The following IDH3A variants were observed in gnomAD, a reference collection of about 807,000 sequenced individuals.
The protein encoded by IDH3A is isocitrate dehydrogenase [NAD] subunit alpha, mitochondrial.
Under a neutral mutation model 43.3 loss-of-function variants are expected in IDH3A, and 23 were observed. The ratio of observed to expected loss-of-function variants is 0.53; its 90% CI spans 0.38 to 0.75. IDH3A has a LOEUF of 0.75. Ranked by LOEUF, IDH3A falls within the 30% of genes least tolerant of loss-of-function variation. The pLI, the probability that IDH3A is intolerant of heterozygous loss-of-function variation, is 0.00. For synonymous variants in IDH3A, 154 were observed against 163.5 expected (o/e 0.94, Z 0.44); for missense variants, 329 against 474.4 (o/e 0.69, Z 2.85).
At chr15:78,158,400 G>A (rs2074644582) in intron 3 of IDH3A, among the ~76,000 whole-genome samples, 1 of 129,126 alleles carries the variant, frequency 7.7e-6, no homozygotes, top group Admixed American at 8.6e-5. Context: ...AGGGATGCTT[G>A]TTTATACCTC....
rs143362234 is a variant in IDH3A, at chr15:78,153,856, T to G, written c.28-1357T>G. On this transcript the variant is annotated intron_variant, in intron 1 of 10. Coordinates refer to ENST00000299518, the MANE Select transcript of IDH3A (RefSeq NM_005530.3). The stretch of plus-strand genomic sequence containing the variant: ...CAACATGGAGAAACCCTGTCTCTAC[T>G]AAAAATACAACAAGATTAGCCGGGC... 6.5e-3 allele frequency among the ~76,000 whole-genome samples: 984 copies of G among 152,254 alleles called. 15 individuals carry two copies. Among genetic ancestry groups the G allele is most frequent in the African/African-American group, 0.023 (951 of 41,540 alleles).
At chr15:78,157,184 TTTG>T (rs1336553526) in intron 2 of IDH3A, 5 of 1,113,280 alleles carry the variant, frequency 4.5e-6, no homozygotes, top group Non-Finnish European at 5.5e-6. Context: ...TTGTTAATTT[TTTG>T]TTGTTGTTGT....
Position 78,157,629 on chromosome 15 carries a change from AAAGT to A in IDH3A, c.174+3_174+6del. On this transcript the variant is annotated splice_donor_variant and coding_sequence_variant, in exon 3 of 11. Coordinates refer to ENST00000299518, the MANE Select transcript of IDH3A (RefSeq NM_005530.3). LOFTEE classifies it high-confidence loss of function. ...AGTTATGAAGATTTTTGATGCTGCCAAAGTAAGTGGGCTTAAAAAATACATTTAA... is the reference window on the plus strand; with the variant it reads ...AGTTATGAAGATTTTTGATGCTGCCAAAGTGGGCTTAAAAAATACATTTAA... The A allele has an allele frequency of 1.9e-6, 3 of 1,606,268 alleles. No individual in the cohort carries two copies. The highest frequency in any genetic ancestry group is 2.6e-6 in the Non-Finnish European group (3 of 1,173,990).
At chr15:78,164,651 T>C (rs1348972218) in intron 8 of IDH3A, among the ~76,000 whole-genome samples, 7 of 152,288 alleles carry the variant, frequency 4.6e-5, no homozygotes, top group Middle Eastern at 3.4e-3. Context: ...TGAGCCCAGC[T>C]GTGGACATGG....
chr15:78,158,464 T>TG (rs71145899), intron 3 of IDH3A, among the ~76,000 whole-genome samples: 1 of 50,050 alleles, frequency 2.0e-5, no homozygotes, highest in Non-Finnish European at 3.8e-5. Flanking sequence ...TATATATATA[T>TG]TTTTTTTTTT....
chr15:78,155,366 T>C (rs758863270), intron 2 of IDH3A, 91 bp downstream of exon 2: 1 of 867,184 alleles, frequency 1.2e-6, no homozygotes. Flanking sequence ...TTTATCTCCA[T>C]TCATTTAGAA....
chr15:78,165,048 G>A lies in IDH3A; in HGVS notation c.836G>A (p.Gly279Glu). ...GGTGTGACACCAAGTGGCAACATTG[G>A]AGCCAATGGGGTTGCAATTTTTGAG... is the stretch of plus-strand genomic sequence containing the variant. ...GLGVTPSGNI[G>E]ANGVAIFESV... The change falls in exon 9 of 11, where the codon GGA (glycine) becomes GAA (glutamate). Residue 279 changes from glycine (G) to glutamate (E), a missense_variant. Gly to Glu is a moderately conservative substitution (Grantham distance 98). Coordinates refer to ENST00000299518, the MANE Select transcript of IDH3A (RefSeq NM_005530.3). 4.3e-6 allele frequency: 7 copies of A among 1,613,846 alleles called. No homozygotes were observed. The highest frequency in any genetic ancestry group is 5.9e-6 in the Non-Finnish European group (7 of 1,179,782).
intron 6 of IDH3A, 108 bp downstream of exon 6, chr15:78,162,475 G>T: frequency 1.7e-6 from 2 of 1,195,516 alleles, no homozygotes; most frequent in Non-Finnish European, 2.3e-6. Context: ...TAATATCTTT[G>T]AAAAAGAACT....
Position 78,157,589 on chromosome 15 carries a change from A to T in IDH3A, c.132A>T (p.Pro44=), listed in dbSNP as rs2074635026. The T allele has an allele frequency of 6.2e-7, 1 of 1,613,198 alleles. No individual in the cohort carries two copies. Residue 44 remains proline (P), a synonymous_variant, in exon 3 of 11, where the codon CCA becomes CCT. Coordinates refer to ENST00000299518, the MANE Select transcript of IDH3A (RefSeq NM_005530.3). ...VTLIPGDGIG[P]EISAAVMKIF... ...TAATTCCAGGAGATGGTATTGGCCC[A>T]GAAATTTCAGCTGCAGTTATGAAGA...
chr15:78,159,043 G>A (rs182561309), intron 3 of IDH3A, among the ~76,000 whole-genome samples: 1 of 152,010 alleles, frequency 6.6e-6, no homozygotes, highest in Non-Finnish European at 1.5e-5. Flanking sequence ...ATGTTGGCTA[G>A]GCTGGGCTGG....
At chr15:78,163,429 C>T (rs775476408) in intron 6 of IDH3A, 78 bp from the exon 7 acceptor site, 27 of 1,010,020 alleles carry the variant, frequency 2.7e-5, no homozygotes, top group Non-Finnish European at 3.9e-5. Context: ...ATGTCTTGAA[C>T]TTACTTTACT....
intron 2 of IDH3A, chr15:78,157,329 A>C: frequency 1.5e-6 from 1 of 648,126 alleles, no homozygotes; most frequent in Non-Finnish European, 2.4e-6. Context: ...TTCTTTTTAA[A>C]ACCTCTGAAC....
At chr15:78,157,008 A>AT in intron 2 of IDH3A, 1 of 1,328,514 alleles carries the variant, frequency 7.5e-7, no homozygotes, top group Non-Finnish European at 9.9e-7. Context: ...AAAAAGTCTG[A>AT]TTTTCCCTGA....
chr15:78,155,073 A>G, intron 1 of IDH3A, 140 bp from the exon 2 acceptor site: 2 of 518,004 alleles, frequency 3.9e-6, no homozygotes, highest in South Asian at 3.6e-5. Context: ...GAGCTAATAC[A>G]TGAGATTTGT....
chr15:78,163,568 A>T lies in IDH3A; in HGVS notation c.673A>T (p.Ile225Phe). ...CREVAESCKD[I>F]KFNEMYLDTV... The stretch of plus-strand genomic sequence containing the variant: ...GGAAGTTGCAGAAAGCTGTAAAGAT[A>T]TTAAATTTAATGAGATGTACCTTGA... The change falls in exon 7 of 11, where the codon ATT becomes TTT. Residue 225 changes from isoleucine (I) to phenylalanine (F), a missense_variant. By Grantham distance (21) the Ile-to-Phe change is conservative (BLOSUM62 0). Around this residue, in one of 3 missense-constraint regions of IDH3A, gnomAD observed 212 missense variants for 345.5 expected, o/e 0.61. Coordinates refer to ENST00000299518, the MANE Select transcript of IDH3A (RefSeq NM_005530.3). The T allele has an allele frequency of 6.2e-7, 1 of 1,612,332 alleles. No homozygotes were observed. Among genetic ancestry groups the T allele is most frequent in the Non-Finnish European group, 8.5e-7 (1 of 1,178,504 alleles).
intron 8 of IDH3A, among the ~76,000 whole-genome samples, chr15:78,164,305 C>T (rs189217897): frequency 3.8e-5 from 5 of 130,674 alleles, no homozygotes; most frequent in African/African-American, 9.2e-5. Flanking sequence ...CTCTCTCTCT[C>T]CCCCCCCGAC....
chr15:78,158,352 G>C (rs1315829578), intron 3 of IDH3A, among the ~76,000 whole-genome samples: 3 of 149,282 alleles, frequency 2.0e-5, no homozygotes, highest in African/African-American at 7.4e-5. Context: ...TGTTCAGTGT[G>C]CTAGCTGTAT....
In IDH3A at chr15:78,171,856, T is replaced by C. The variant is rs1380208565; in HGVS notation, c.*2851T>C. ...CTACATCTGCCTTTTCCTTGACCTG[T>C]ACCCAGTTTTGACCCTCAGTCCATT... On this transcript the variant is annotated 3_prime_UTR_variant, in exon 11 of 11. Coordinates refer to ENST00000299518, the MANE Select transcript of IDH3A (RefSeq NM_005530.3). 1 of 174,706 alleles carries C rather than the reference T, an allele frequency of 5.7e-6. No individual in the cohort carries two copies. Among genetic ancestry groups the C allele is most frequent in the African/African-American group, 2.4e-5 (1 of 42,276 alleles). 10.8% of individuals were successfully genotyped at this position (174,706 alleles called of 1,614,324 possible).
intron 9 of IDH3A, among the ~76,000 whole-genome samples, chr15:78,165,815 A>C (rs2074734553): frequency 6.6e-6 from 1 of 152,016 alleles, no homozygotes; most frequent in African/African-American, 2.4e-5. Flanking sequence ...CAGCCTCCCA[A>C]GTAGCTGGCA....
Sources: gnomAD v4.1 joint callset for allele counts (sites outside exome capture counted in the v4.1 genomes callset) on GRCh38, gnomAD v4.1.1 for gene constraint, gnomAD v4.1.1 regional missense constraint, MANE v1.5 for transcripts, NCBI Gene and HGNC (gene_info 2026-07-23, HGNC 2026-07-21) for gene names.